The following CARS1 variants were observed in gnomAD, a reference collection of about 807,000 sequenced individuals.
CARS1 encodes the protein cysteinyl-tRNA synthetase 1.
Under a neutral mutation model 106.2 loss-of-function variants are expected in CARS1, and 48 were observed. The ratio of observed to expected loss-of-function variants is 0.45; its 90% CI spans 0.36 to 0.57. CARS1 has a LOEUF of 0.57. CARS1 is among the 20% of genes least tolerant of loss of function. The pLI is 0.00. For missense variants in CARS1, 968 were observed against 1,057.2 expected, an observed-to-expected ratio of 0.92 and a Z score of 1.17; for synonymous variants, 409 against 403.4, an observed-to-expected ratio of 1.01 and a Z score of -0.17.
Position 3,017,945 on chromosome 11 carries a change from A to G in CARS1, c.1639T>C (p.Leu547=), listed in dbSNP as rs749388681. 6.2e-7 allele frequency: 1 copy of G among 1,612,154 alleles called. No homozygotes were observed. Among genetic ancestry groups the G allele is most frequent in the South Asian group, 1.1e-5 (1 of 90,792 alleles). Residue 547 remains leucine, a synonymous_variant, in exon 15 of 23, where the codon TTA becomes CTA. Coordinates refer to ENST00000380525, the MANE Select transcript of CARS1 (RefSeq NM_001014437.3). This position sits in a 1 kb window ranked among gnomAD's most constrained non-coding sequence, Gnocchi z 4.9. ...QYEKFLNEFF[L]NVKDILRAPV... is the part of the protein sequence containing the mutation. ...GCGCGAAGGATATCTTTCACATTTA[A>G]GAAAAACTCCTGAAGTTAGAAAAAT...
chr11:3,010,663 C>G (rs942267139), intron 18 of CARS1, among the ~76,000 whole-genome samples: 1 of 152,214 alleles, frequency 6.6e-6, no homozygotes, highest in Non-Finnish European at 1.5e-5. Flanking sequence ...CACCCAGTGT[C>G]CTGCACTCTC....
intron 1 of CARS1, among the ~76,000 whole-genome samples, chr11:3,056,634 A>G (rs1305447036): frequency 6.6e-6 from 1 of 152,186 alleles, no homozygotes; most frequent in African/African-American, 2.4e-5. Flanking sequence ...TACTGTGTGT[A>G]CGCGTACCCC....
chr11:3,035,469 G>A (rs1853496850), intron 7 of CARS1, among the ~76,000 whole-genome samples: 1 of 152,276 alleles, frequency 6.6e-6, no homozygotes, highest in Non-Finnish European at 1.5e-5. Context: ...AGAAGAAGAA[G>A]AAATTTGCAT....
intron 2 of CARS1, 39 bp from the exon 3 acceptor site, chr11:3,042,295 G>GC: frequency 6.6e-7 from 1 of 1,505,398 alleles, no homozygotes; most frequent in Non-Finnish European, 9.1e-7. Flanking sequence ...TCCAGGGGCA[G>GC]CACCAGGAAG....
chr11:3,001,718 CCCAGGGCTAGGGA>C (rs1451869072), intron 22 of CARS1, among the ~76,000 whole-genome samples: 1 of 152,208 alleles, frequency 6.6e-6, no homozygotes, highest in Non-Finnish European at 1.5e-5. Flanking sequence ...GGCCACAACT[CCCAGGGCTAGGGA>C]CCAGAGCTCA....
intron 7 of CARS1, among the ~76,000 whole-genome samples, chr11:3,033,180 G>A (rs1039423933): frequency 6.6e-6 from 1 of 152,022 alleles, no homozygotes; most frequent in Admixed American, 6.6e-5. Flanking sequence ...CCAACAGGAA[G>A]AATTAGCAAA....
rs1855899225 is a variant in CARS1 at position 3,053,567 on chromosome 11, T to G, written c.25+3776A>C. ...TTTAAACCTCTCCCGGCTGCCCTGTTTCTCTTCCTGCGTTCCCTTGAGGCT... is the reference window on the plus strand; with the variant it reads ...TTTAAACCTCTCCCGGCTGCCCTGTGTCTCTTCCTGCGTTCCCTTGAGGCT... On this transcript the variant is annotated intron_variant, in intron 1 of 22. Coordinates refer to ENST00000380525, the MANE Select transcript of CARS1 (RefSeq NM_001014437.3). This position sits in a 1 kb window ranked among gnomAD's most constrained non-coding sequence, Gnocchi z 6.6. 6.6e-6 allele frequency among the ~76,000 whole-genome samples: 1 copy of G among 152,134 alleles called. No homozygotes were observed. The highest frequency in any genetic ancestry group is 1.5e-5 in the Non-Finnish European group (1 of 68,008).
chr11:3,033,737 G>T (rs1386759908), intron 7 of CARS1, among the ~76,000 whole-genome samples: 1 of 152,086 alleles, frequency 6.6e-6, no homozygotes, highest in African/African-American at 2.4e-5. Context: ...AGACTACAGA[G>T]GATCAACACA....
Position 3,003,440 on chromosome 11 carries a change from T to G in CARS1, c.2218-840A>C, listed in dbSNP as rs181032408. On this transcript the variant is annotated intron_variant, in intron 20 of 22. Coordinates refer to ENST00000380525, the MANE Select transcript of CARS1 (RefSeq NM_001014437.3). This position sits in a 1 kb window ranked among gnomAD's most constrained non-coding sequence, Gnocchi z 4.8. Reference sequence around the variant, plus strand: ...TTGGACAGCCTAGATATCAGAGGCTTCCTGGCCCAGTGGAGCTATCAGGTA... The same window carrying G: ...TTGGACAGCCTAGATATCAGAGGCTGCCTGGCCCAGTGGAGCTATCAGGTA... Among the ~76,000 whole-genome samples, 633 of 152,268 alleles carry G rather than the reference T, an allele frequency of 4.2e-3. 18 individuals are homozygous for G. Among genetic ancestry groups the G allele is most frequent in the Non-Finnish European group, 1.2e-3 (80 of 68,016 alleles).
At chr11:3,007,936 C>A (rs1025058503) in intron 18 of CARS1, 1 of 152,360 alleles carries the variant, frequency 6.6e-6, no homozygotes. Flanking sequence ...AATGGGATGC[C>A]AACCTATCTC....
Position 3,038,050 on chromosome 11 carries a change from C to G in CARS1, c.801G>C (p.Glu267Asp). The change falls in exon 7 of 23, where the codon GAG becomes GAC. Residue 267 changes from glutamate (E) to aspartate (D), a missense_variant and splice_region_variant. Glu to Asp is a conservative substitution (Grantham distance 45). Coordinates refer to ENST00000380525, the MANE Select transcript of CARS1 (RefSeq NM_001014437.3). This position sits in a 1 kb window ranked among gnomAD's most constrained non-coding sequence, Gnocchi z 4.0. ...LTGEEVNSCVEVLLEEAKDLL... is the reference protein window; with the variant it reads ...LTGEEVNSCVDVLLEEAKDLL... ...GTCTGGGAGATGTGTGAAGCCTCACCTCCACACAGCTGTTGACTTCCTCTC... is the reference window on the plus strand; with the variant it reads ...GTCTGGGAGATGTGTGAAGCCTCACGTCCACACAGCTGTTGACTTCCTCTC... 1 of 1,612,058 alleles carries G rather than the reference C, an allele frequency of 6.2e-7. No homozygotes were observed. The highest frequency in any genetic ancestry group is 8.5e-7 in the Non-Finnish European group (1 of 1,178,362).
At position 3,044,968 on chromosome 11, in the gene CARS1, G is replaced by A. The variant is rs1165956973; in HGVS notation, c.275-2712C>T. Among the ~76,000 whole-genome samples the A allele has an allele frequency of 1.3e-5, 2 of 152,174 alleles. No homozygotes were observed. The highest frequency in any genetic ancestry group is 6.5e-5 in the Admixed American group (1 of 15,280). On this transcript the variant is annotated intron_variant, in intron 2 of 22. Transcript: ENST00000380525. The surrounding 1 kb of genome is among the most constrained non-coding windows in gnomAD (Gnocchi z 4.4). ...AGGAAGTTAAGGGTCCTCCATCGGA[G>A]GGGTGAGAGCAACACCAAACCTTCA...
Position 3,018,461 on chromosome 11 carries a change from C to G in CARS1, c.1576G>C (p.Asp526His). ...GACTCCATGGTGTTGCTGGAGTAGT[C>G]CAGGGTGTCCTTCCACGAGTGCATG... ...FLMHSWKDTLDYSSNTMESAL... is the reference protein window; with the variant it reads ...FLMHSWKDTLHYSSNTMESAL... The change falls in exon 14 of 23, where the codon GAC becomes CAC. Residue 526 changes from aspartate to histidine, a missense_variant. Asp to His is a moderately conservative substitution (Grantham distance 81, BLOSUM62 -1). Coordinates refer to ENST00000380525, the MANE Select transcript of CARS1 (RefSeq NM_001014437.3). 1 of 1,614,116 alleles carries G rather than the reference C, an allele frequency of 6.2e-7. No individual in the cohort carries two copies. The highest frequency in any genetic ancestry group is 8.5e-7 in the Non-Finnish European group (1 of 1,179,978).
Position 3,052,390 on chromosome 11 carries a change from T to G in CARS1, c.26-4389A>C, listed in dbSNP as rs530079347. On this transcript the variant is annotated intron_variant, in intron 1 of 22. Transcript: ENST00000380525. The surrounding 1 kb of genome is among the most constrained non-coding windows in gnomAD (Gnocchi z 4.6). ...CCAGGGGCCCCATTTGCCATCATTATTATCATAATCGCTCTGGTATTATTA... is the reference window on the plus strand; with the variant it reads ...CCAGGGGCCCCATTTGCCATCATTAGTATCATAATCGCTCTGGTATTATTA... Among the ~76,000 whole-genome samples, 107 of 152,372 alleles carry G rather than the reference T, an allele frequency of 7.0e-4. No homozygotes were observed. The highest frequency in any genetic ancestry group is 1.4e-3 in the Non-Finnish European group (92 of 68,042).
chr11:3,055,900 T>C (rs150605243), intron 1 of CARS1, among the ~76,000 whole-genome samples: 1,581 of 152,318 alleles, frequency 0.01, 29 homozygotes, highest in African/African-American at 0.035. Flanking sequence ...CATGGTTTGC[T>C]GTGGGGCGGG....
At position 3,048,949 on chromosome 11, in the gene CARS1, T is replaced by C. The variant is rs866797885; in HGVS notation, c.26-948A>G. Among the ~76,000 whole-genome samples the C allele has an allele frequency of 3.3e-5, 5 of 152,294 alleles. No homozygotes were observed. Among genetic ancestry groups the C allele is most frequent in the East Asian group, 3.9e-4 (2 of 5,186 alleles). Reference sequence around the variant, plus strand: ...AGAGCCACTGTTCCGCATGTCACCATTGGGAGGAGGAGCAGAACCCTAACT... The same window carrying C: ...AGAGCCACTGTTCCGCATGTCACCACTGGGAGGAGGAGCAGAACCCTAACT... On this transcript the variant is annotated intron_variant, in intron 1 of 22. Transcript: ENST00000380525. This position sits in a 1 kb window ranked among gnomAD's most constrained non-coding sequence, Gnocchi z 5.1.
At chr11:3,016,115 G>T (rs969890788) in intron 16 of CARS1, among the ~76,000 whole-genome samples, 1 of 152,288 alleles carries the variant, frequency 6.6e-6, no homozygotes, top group East Asian at 1.9e-4. Context: ...GGAGGAGAGG[G>T]GAGGGGAGTT....
rs963969314 is a variant in CARS1, at chr11:3,046,972, C to T, written c.274+781G>A. Among the ~76,000 whole-genome samples the T allele has an allele frequency of 6.6e-6, 1 of 152,182 alleles. No homozygotes were observed. Among genetic ancestry groups the T allele is most frequent in the Non-Finnish European group, 1.5e-5 (1 of 68,034 alleles). ...CTCAAAGAGAAAAAATGACTTATTT[C>T]TGATTTTTAAAAAGTTCAATGCCGG... On this transcript the variant is annotated intron_variant, in intron 2 of 22. Coordinates refer to ENST00000380525, the MANE Select transcript of CARS1 (RefSeq NM_001014437.3). This position sits in a 1 kb window ranked among gnomAD's most constrained non-coding sequence, Gnocchi z 5.8.
chr11:3,053,782 G>A lies in CARS1; in HGVS notation c.25+3561C>T, dbSNP rs1855915890. Among the ~76,000 whole-genome samples the A allele has an allele frequency of 6.6e-6, 1 of 152,136 alleles. No homozygotes were observed. The highest frequency in any genetic ancestry group is 1.5e-5 in the Non-Finnish European group (1 of 68,022). On this transcript the variant is annotated intron_variant, in intron 1 of 22. Transcript: ENST00000380525. The surrounding 1 kb of genome is among the most constrained non-coding windows in gnomAD (Gnocchi z 6.6). ...TTGCTAAAATGCAGACCCCTTTACA[G>A]CAGGTCTGAGCTCCTAATAAGTGCC...
Sources: allele counts gnomAD v4.1 joint callset (sites outside exome capture counted in the v4.1 genomes callset), GRCh38; gene constraint gnomAD v4.1.1; non-coding constraint Gnocchi (gnomAD v3.1); transcripts MANE v1.5; gene names NCBI Gene and HGNC (gene_info 2026-07-23, HGNC 2026-07-21).